The following DCC variants were observed in gnomAD, a reference collection of about 807,000 sequenced individuals.
DCC encodes netrin receptor DCC.
A neutral mutation model predicts 172.5 loss-of-function variants in DCC; 58 were observed. The ratio of observed to expected loss-of-function variants is 0.34; its 90% CI spans 0.27 to 0.42. The LOEUF (loss-of-function observed/expected upper bound fraction) is 0.42, where lower values mean the gene tolerates loss of function less well. DCC is among the 10% of genes least tolerant of loss of function. The pLI, the probability that DCC is intolerant of heterozygous loss-of-function variation, is 1.00. For missense variants in DCC, 1,740 were observed against 1,791.0 expected (o/e 0.97, Z 0.51); for synonymous variants, 709 against 644.5 (o/e 1.10, Z -1.52).
Position 52,481,644 on chromosome 18 carries a change from T to A in DCC, c.91+140766T>A, listed in dbSNP as rs74650174. Among the ~76,000 whole-genome samples the A allele has an allele frequency of 1.8e-3, 269 of 152,190 alleles. 1 individual carries two copies. Among genetic ancestry groups the A allele is most frequent in the African/African-American group, 5.4e-3 (224 of 41,542 alleles). ...TTCTACAGGTTTGTTAAACAGCCTGTCCAGATTCCCTTCCTGATATTTTCT... is the reference window on the plus strand; with the variant it reads ...TTCTACAGGTTTGTTAAACAGCCTGACCAGATTCCCTTCCTGATATTTTCT... On this transcript the variant is annotated intron_variant, in intron 1 of 28. Transcript: ENST00000442544.
chr18:52,649,729 G>T (rs1373384590), intron 1 of DCC, among the ~76,000 whole-genome samples: 1 of 152,122 alleles, frequency 6.6e-6, no homozygotes, highest in Non-Finnish European at 1.5e-5. Flanking sequence ...GCCACAAAAA[G>T]ACATGATTTC....
chr18:53,051,669 G>GATATTATC, intron 5 of DCC, among the ~76,000 whole-genome samples: 1 of 152,118 alleles, frequency 6.6e-6, no homozygotes, highest in Admixed American at 6.6e-5. Flanking sequence ...TCTGATATTG[G>GATATTATC]ATATTATCAT....
chr18:53,081,962 C>T (rs1162376449), intron 7 of DCC, among the ~76,000 whole-genome samples: 1 of 151,932 alleles, frequency 6.6e-6, no homozygotes, highest in African/African-American at 2.4e-5. Context: ...ACAGTCTGTC[C>T]CATTTCTCTA....
intron 5 of DCC, among the ~76,000 whole-genome samples, chr18:52,999,803 A>G (rs150317705): frequency 5.7e-4 from 86 of 152,150 alleles, no homozygotes; most frequent in African/African-American, 2.0e-3. Context: ...ATCTGAAAAG[A>G]TATGTTGAAG....
rs148119701 is a variant in DCC at position 52,705,653 on chromosome 18, C to A, written c.92-46401C>A. ...AAACAGTAGACTAGAGATCTAAAAA[C>A]ACAGATCTTGATCTAGCTTTTATCA... On this transcript the variant is annotated intron_variant, in intron 1 of 28. Coordinates refer to ENST00000442544, the MANE Select transcript of DCC (RefSeq NM_005215.4). Among the ~76,000 whole-genome samples, 84 of 152,252 alleles carry A rather than the reference C, an allele frequency of 5.5e-4. No individual in the cohort carries two copies. The East Asian group carries it at 0.016, about 29-fold the overall frequency.
chr18:52,460,871 G>A (rs1417827183), intron 1 of DCC, among the ~76,000 whole-genome samples: 1 of 152,130 alleles, frequency 6.6e-6, no homozygotes, highest in East Asian at 1.9e-4. Flanking sequence ...TCAGTGAGTG[G>A]TAAATGAATA....
At chr18:53,519,336 TCA>T (rs1568183744) in intron 27 of DCC, among the ~76,000 whole-genome samples, 1 of 152,068 alleles carries the variant, frequency 6.6e-6, no homozygotes, top group Admixed American at 6.6e-5. Context: ...GTTGTATAGA[TCA>T]CACACAGTTT....
chr18:52,875,887 G>A (rs746420621), intron 2 of DCC, among the ~76,000 whole-genome samples: 15 of 152,104 alleles, frequency 9.9e-5, no homozygotes, highest in South Asian at 2.1e-4. Flanking sequence ...CTCTCATTCC[G>A]GTCAGTTTGC....
rs2046515775 is a variant in DCC, at chr18:53,530,647, C to G, written c.4338C>G (p.Ala1446=). Reference sequence around the variant, plus strand: ...AGCTTAATGCCATCACAGGCTCAGCCTTTTAACATGTATTTCTGAATGGAT... The same window carrying G: ...AGCTTAATGCCATCACAGGCTCAGCGTTTTAACATGTATTTCTGAATGGAT... ...MKQLNAITGS[A]F Residue 1446 remains alanine, a synonymous_variant, in exon 29 of 29, where the codon GCC becomes GCG. Coordinates refer to ENST00000442544, the MANE Select transcript of DCC (RefSeq NM_005215.4). 6.4e-7 allele frequency: 1 copy of G among 1,572,652 alleles called. No individual in the cohort carries two copies. The highest frequency in any genetic ancestry group is 1.7e-5 in the Admixed American group (1 of 59,936).
At chr18:53,102,469 A>G (rs2043188074) in intron 7 of DCC, among the ~76,000 whole-genome samples, 1 of 152,092 alleles carries the variant, frequency 6.6e-6, no homozygotes, top group South Asian at 2.1e-4. Flanking sequence ...AAGGGTGTCT[A>G]TATTATAAGT....
intron 2 of DCC, among the ~76,000 whole-genome samples, chr18:52,880,624 G>T (rs959213598): frequency 8.5e-5 from 13 of 152,078 alleles, no homozygotes; most frequent in Non-Finnish European, 4.4e-5. Flanking sequence ...TTGTATTTCT[G>T]TGTCTGAGTT....
chr18:53,211,438 T>G lies in DCC; in HGVS notation c.1861+3621T>G, dbSNP rs1279694190. The stretch of plus-strand genomic sequence containing the variant: ...AAAATGCTTATAATTAAATATGAAT[T>G]ACTGGCCAGGCATGGTGGCTCACTC... On this transcript the variant is annotated intron_variant, in intron 11 of 28. Transcript: ENST00000442544. 2.0e-5 allele frequency among the ~76,000 whole-genome samples: 3 copies of G among 152,220 alleles called. No homozygotes were observed. The East Asian group carries it at 5.8e-4, about 29-fold the overall frequency.
intron 1 of DCC, among the ~76,000 whole-genome samples, chr18:52,355,620 GTA>G (rs1568129764): frequency 6.6e-6 from 1 of 152,088 alleles, no homozygotes; most frequent in Non-Finnish European, 1.5e-5. Flanking sequence ...AATGTTTCAT[GTA>G]TCATATTTGT....
chr18:52,607,693 AAG>A (rs2034165422), intron 1 of DCC, among the ~76,000 whole-genome samples: 1 of 152,150 alleles, frequency 6.6e-6, no homozygotes, highest in South Asian at 2.1e-4. Context: ...AAAGAATACA[AAG>A]AGTACAAAAA....
chr18:53,191,839 C>T (rs1776610385), intron 9 of DCC, among the ~76,000 whole-genome samples: 2 of 151,898 alleles, frequency 1.3e-5, no homozygotes, highest in Admixed American at 6.6e-5. Flanking sequence ...TTTGTGTCAC[C>T]AATAGAAATA....
At chr18:52,837,798 G>A (rs1053415749) in intron 2 of DCC, among the ~76,000 whole-genome samples, 1 of 152,074 alleles carries the variant, frequency 6.6e-6, no homozygotes, top group Non-Finnish European at 1.5e-5. Flanking sequence ...CCATTCTCAT[G>A]CTTCTATAAA....
At chr18:52,949,027 GAATT>G (rs959192388) in intron 5 of DCC, among the ~76,000 whole-genome samples, 3 of 152,186 alleles carry the variant, frequency 2.0e-5, no homozygotes, top group African/African-American at 7.2e-5. Context: ...GAAACTCACT[GAATT>G]AATAGTCACA....
intron 25 of DCC, among the ~76,000 whole-genome samples, chr18:53,484,844 G>T (rs529009125): frequency 6.7e-6 from 1 of 150,194 alleles, no homozygotes; most frequent in South Asian, 2.1e-4. Flanking sequence ...ATTTTGATGG[G>T]GATTGTGTTA....
chr18:53,263,921 A>G (rs926812757), intron 12 of DCC, among the ~76,000 whole-genome samples: 5 of 152,104 alleles, frequency 3.3e-5, no homozygotes, highest in Admixed American at 2.6e-4. Flanking sequence ...TAAAGGAATA[A>G]TTACAATCAA....
Sources: gnomAD v4.1 joint callset for allele counts (sites outside exome capture counted in the v4.1 genomes callset) on GRCh38, gnomAD v4.1.1 for gene constraint, MANE v1.5 for transcripts, NCBI Gene and HGNC (gene_info 2026-07-23, HGNC 2026-07-21) for gene names.